LRRC3B: variants seen among roughly 807,000 people sequenced by gnomAD.
LRRC3B encodes the protein leucine-rich repeat-containing protein 3B.
In LRRC3B, 2 loss-of-function variants were observed where a neutral mutation model predicts 12.8. The ratio of observed to expected loss-of-function variants is 0.16; its 90% CI spans 0.06 to 0.49. LRRC3B has a LOEUF of 0.49. LRRC3B is among the 20% of genes least tolerant of loss of function. LRRC3B has a pLI of 0.96. For synonymous variants in LRRC3B, 132 were observed against 122.0 expected (o/e 1.08, Z -0.54); for missense variants, 189 against 319.4 (o/e 0.59, Z 3.11).
At chr3:26,700,729 T>C (rs1400576960) in intron 1 of LRRC3B, among the ~76,000 whole-genome samples, 2 of 152,160 alleles carry the variant, frequency 1.3e-5, no homozygotes, top group African/African-American at 4.8e-5. Context: ...AATTAGAGTT[T>C]AGCTGTAAAA....
chr3:26,691,101 G>GTATATATATATATA (rs1461673808), intron 1 of LRRC3B, among the ~76,000 whole-genome samples: 1 of 45,674 alleles, frequency 2.2e-5, no homozygotes, highest in East Asian at 1.2e-3. Context: ...ATGTGTGTGT[G>GTATATATATATATA]TGTGTATATA....
chr3:26,680,247 T>A (rs930570166), intron 1 of LRRC3B, among the ~76,000 whole-genome samples: 3 of 152,138 alleles, frequency 2.0e-5, no homozygotes, highest in Non-Finnish European at 2.9e-5. Flanking sequence ...CCACCCCCAC[T>A]TCCCAGTAAA....
At chr3:26,703,373 C>T (rs1046364790) in intron 1 of LRRC3B, among the ~76,000 whole-genome samples, 1 of 152,110 alleles carries the variant, frequency 6.6e-6, no homozygotes, top group Admixed American at 6.6e-5. Flanking sequence ...GCTATTCATT[C>T]AGAGCTTCCT....
chr3:26,627,311 T>C (rs187570190), intron 1 of LRRC3B, among the ~76,000 whole-genome samples: 1 of 152,114 alleles, frequency 6.6e-6, no homozygotes, highest in Non-Finnish European at 1.5e-5. Flanking sequence ...GGAGGAGGGA[T>C]AGAAGAATCC....
chr3:26,707,014 A>G (rs181891076), intron 1 of LRRC3B, among the ~76,000 whole-genome samples: 1 of 152,240 alleles, frequency 6.6e-6, no homozygotes. Context: ...GAGAATAATA[A>G]TAGTAACTAA....
At chr3:26,659,990 C>A (rs1240334195) in intron 1 of LRRC3B, among the ~76,000 whole-genome samples, 1 of 152,190 alleles carries the variant, frequency 6.6e-6, no homozygotes, top group Non-Finnish European at 1.5e-5. Flanking sequence ...CTTATCCCAG[C>A]AAATTTCTCA....
intron 1 of LRRC3B, among the ~76,000 whole-genome samples, chr3:26,649,262 C>T (rs958327277): frequency 1.3e-5 from 2 of 152,242 alleles, no homozygotes; most frequent in Admixed American, 1.3e-4. Context: ...GTGATCCTTT[C>T]GTTTGTTTGC....
At chr3:26,671,416 G>A (rs1467338155) in intron 1 of LRRC3B, among the ~76,000 whole-genome samples, 16 of 33,110 alleles carry the variant, frequency 4.8e-4, no homozygotes, top group Non-Finnish European at 7.4e-4. Flanking sequence ...AGAGAGAGAC[G>A]AAGTCTTGCT....
chr3:26,708,313 T>A (rs1700655272), intron 1 of LRRC3B, among the ~76,000 whole-genome samples: 1 of 152,186 alleles, frequency 6.6e-6, no homozygotes, highest in Admixed American at 6.5e-5. Flanking sequence ...CTTGGAACAG[T>A]ATTCATAGCA....
chr3:26,674,475 G>A (rs1699817161), intron 1 of LRRC3B, among the ~76,000 whole-genome samples: 1 of 152,104 alleles, frequency 6.6e-6, no homozygotes, highest in Non-Finnish European at 1.5e-5. Flanking sequence ...TTATAAAAAG[G>A]AAAGAAGGTT....
At chr3:26,638,438 C>G (rs1431271113) in intron 1 of LRRC3B, among the ~76,000 whole-genome samples, 3 of 152,134 alleles carry the variant, frequency 2.0e-5, no homozygotes, top group Non-Finnish European at 4.4e-5. Context: ...AGATCCTATA[C>G]AGTTGTGGAT....
intron 1 of LRRC3B, among the ~76,000 whole-genome samples, chr3:26,676,331 G>GTGTT (rs1226840651): frequency 2.0e-5 from 3 of 148,782 alleles, no homozygotes; most frequent in African/African-American, 5.0e-5. Flanking sequence ...AGAACATGCA[G>GTGTT]TGTTTGGTTT....
chr3:26,634,724 T>C (rs761652449), intron 1 of LRRC3B, among the ~76,000 whole-genome samples: 3 of 152,234 alleles, frequency 2.0e-5, no homozygotes, highest in Non-Finnish European at 4.4e-5. Context: ...CATTCCAGGT[T>C]GGCTTTGATC....
intron 1 of LRRC3B, among the ~76,000 whole-genome samples, chr3:26,690,669 A>T (rs1700170929): frequency 6.6e-6 from 1 of 151,770 alleles, no homozygotes; most frequent in Non-Finnish European, 1.5e-5. Context: ...CTCAGTTCTG[A>T]TTTTCTTTTT....
chr3:26,635,521 G>A (rs1039701481), intron 1 of LRRC3B, among the ~76,000 whole-genome samples: 3 of 152,256 alleles, frequency 2.0e-5, no homozygotes, highest in Non-Finnish European at 2.9e-5. Flanking sequence ...CACACACCAA[G>A]GAAAGGCCAT....
intron 1 of LRRC3B, among the ~76,000 whole-genome samples, chr3:26,631,424 G>A (rs894438565): frequency 5.3e-5 from 8 of 152,204 alleles, no homozygotes; most frequent in African/African-American, 1.9e-4. Flanking sequence ...ATCAGGAAAT[G>A]GCTTTGGCAC....
At chr3:26,704,809 TA>T (rs1202682756) in intron 1 of LRRC3B, among the ~76,000 whole-genome samples, 3 of 152,222 alleles carry the variant, frequency 2.0e-5, no homozygotes, top group African/African-American at 7.2e-5. Context: ...CTTATGACCT[TA>T]ACTTTTTGCC....
chr3:26,632,615 A>C (rs999284602), intron 1 of LRRC3B, among the ~76,000 whole-genome samples: 1 of 152,110 alleles, frequency 6.6e-6, no homozygotes, highest in East Asian at 1.9e-4. Flanking sequence ...TTGTAGAACT[A>C]TTGAAGTAGG....
In LRRC3B at chr3:26,675,965, CCTTT is replaced by C. The variant is rs1312915048; in HGVS notation, c.-160-33543_-160-33540del. Among the ~76,000 whole-genome samples the C allele has an allele frequency of 4.1e-5, 6 of 147,416 alleles. No individual in the cohort carries two copies. The East Asian group carries it at 6.0e-4, about 15-fold the overall frequency. On this transcript the variant is annotated intron_variant, in intron 1 of 1. Coordinates refer to ENST00000396641, the Ensembl canonical transcript of LRRC3B. The stretch of plus-strand genomic sequence containing the variant: ...TCATTTTTTTTATAGTTATAAAGCC[CCTTT>C]CTTTTTTTTTTTAATGGTTTCCCAA...
Sources: allele counts gnomAD v4.1 joint callset (sites outside exome capture counted in the v4.1 genomes callset), GRCh38; gene constraint gnomAD v4.1.1; transcripts MANE v1.5; gene names NCBI Gene and HGNC (gene_info 2026-07-23, HGNC 2026-07-21).